DOP1A: variants seen among roughly 807,000 people sequenced by gnomAD.
DOP1A encodes the protein DOP1 leucine zipper like protein A.
Under a neutral mutation model 267.6 loss-of-function variants are expected in DOP1A, and 90 were observed. The observed-to-expected ratio is 0.34, with a 90% confidence interval of 0.28 to 0.40. The LOEUF (loss-of-function observed/expected upper bound fraction) is 0.40, where lower values mean the gene tolerates loss of function less well. Ranked by LOEUF, DOP1A falls within the 10% of genes least tolerant of loss-of-function variation. The pLI, the probability that DOP1A is intolerant of heterozygous loss-of-function variation, is 1.00. For missense variants in DOP1A, 2,437 were observed against 2,900.4 expected (o/e 0.84, Z 3.67); for synonymous variants, 932 against 999.1 (o/e 0.93, Z 1.27).
At chr6:83,166,684 A>G in intron 38 of DOP1A, 1 of 1,249,176 alleles carries the variant, frequency 8.0e-7, no homozygotes. Context: ...GCACCAACCT[A>G]ATATTTTCCT....
intron 1 of DOP1A, among the ~76,000 whole-genome samples, chr6:83,092,191 G>C (rs1373050326): frequency 6.6e-6 from 1 of 151,936 alleles, no homozygotes; most frequent in Non-Finnish European, 1.5e-5. Context: ...GTATTTAAAA[G>C]TTTTAGAAAC....
chr6:83,166,141 G>A (rs977213986), intron 38 of DOP1A: 10 of 458,678 alleles, frequency 2.2e-5, no homozygotes, highest in South Asian at 5.4e-5. Context: ...TCAAAACAAC[G>A]AATTTTTTTA....
chr6:83,156,614 A>G (rs562774036), intron 34 of DOP1A, among the ~76,000 whole-genome samples: 2 of 152,300 alleles, frequency 1.3e-5, no homozygotes, highest in South Asian at 4.1e-4. Flanking sequence ...TGTACCACCA[A>G]ATAGCTCCAC....
Position 83,137,309 on chromosome 6 carries a change from T to C in DOP1A, c.3267T>C (p.Ile1089=). Residue 1089 remains isoleucine, a synonymous_variant, in exon 21 of 39, where the codon ATT becomes ATC. Coordinates refer to ENST00000349129, the MANE Select transcript of DOP1A (RefSeq NM_015018.4). Reference sequence around the variant, plus strand: ...TCCTAAGTACCAGCAGTGAGACAATTCCAATGGTTGTGTCTGATTTTGATC... The same window carrying C: ...TCCTAAGTACCAGCAGTGAGACAATCCCAATGGTTGTGTCTGATTTTGATC... The part of the protein sequence containing the change: ...LSLLSTSSET[I]PMVVSDFDLP... The C allele has an allele frequency of 6.2e-7, 1 of 1,613,744 alleles. No individual in the cohort carries two copies. Among genetic ancestry groups the C allele is most frequent in the Non-Finnish European group, 8.5e-7 (1 of 1,179,798 alleles).
At position 83,124,788 on chromosome 6, in the gene DOP1A, T is replaced by C; in HGVS notation, c.1424T>C (p.Leu475Pro). 1 of 1,613,214 alleles carries C rather than the reference T, an allele frequency of 6.2e-7. No individual in the cohort carries two copies. Among genetic ancestry groups the C allele is most frequent in the Non-Finnish European group, 8.5e-7 (1 of 1,179,558 alleles). Residue 475 changes from leucine (L) to proline (P), a missense_variant, in exon 13 of 39, where the codon CTG (leucine) becomes CCG (proline). By Grantham distance (98) the Leu-to-Pro change is moderately conservative (BLOSUM62 -3). Transcript: ENST00000349129. ...TTACAGCTGACCAATTTCTGCTTAC[T>C]GGTGGATTTTTTGTTGGACATAGTT... The part of the protein sequence containing the change: ...SELQLTNFCL[L>P]VDFLLDIVSL...
chr6:83,128,429 AAAGT>A (rs1486613517), intron 15 of DOP1A, among the ~76,000 whole-genome samples: 1 of 152,196 alleles, frequency 6.6e-6, no homozygotes, highest in Non-Finnish European at 1.5e-5. Context: ...TCACTGAAAG[AAAGT>A]AAGATTAATA....
intron 7 of DOP1A, among the ~76,000 whole-genome samples, chr6:83,117,832 G>A (rs541712358): frequency 6.6e-6 from 1 of 152,354 alleles, no homozygotes; most frequent in South Asian, 2.1e-4. Flanking sequence ...ATCAATAGAA[G>A]GCATTTGTGT....
At chr6:83,164,648 T>C in intron 38 of DOP1A, 1 of 1,563,904 alleles carries the variant, frequency 6.4e-7, no homozygotes. Context: ...GTTCTCCTCT[T>C]TCCTTCCACA....
rs141060511 is a variant in DOP1A at position 83,124,712 on chromosome 6, C to T, written c.1348C>T (p.Leu450=). ...RWFEECCRRT[L]HVRLQIGPGD... ...TGAATTTTGTCCTTTTAGGAGGACACTGCATGTGAGACTTCAGATTGGACC... is the reference window on the plus strand; with the variant it reads ...TGAATTTTGTCCTTTTAGGAGGACATTGCATGTGAGACTTCAGATTGGACC... Residue 450 remains leucine, a synonymous_variant, in exon 13 of 39, where the codon CTG becomes TTG. Transcript: ENST00000349129. 7.9e-5 allele frequency: 128 copies of T among 1,612,168 alleles called. 1 individual carries two copies. In the African/African-American group the frequency reaches 1.6e-3, roughly 20 times the overall value.
intron 38 of DOP1A, among the ~76,000 whole-genome samples, 197 bp downstream of exon 38, chr6:83,163,116 G>A (rs912039019): frequency 6.6e-6 from 1 of 152,068 alleles, no homozygotes; most frequent in African/African-American, 2.4e-5. Flanking sequence ...GTATTTTAAA[G>A]GAATATGCGG....
chr6:83,139,689 A>G (rs1009714935), intron 21 of DOP1A, among the ~76,000 whole-genome samples: 16 of 151,860 alleles, frequency 1.1e-4, no homozygotes, highest in African/African-American at 3.9e-4. Flanking sequence ...ATGTAAAATA[A>G]TAAGAAAACT....
At chr6:83,134,146 A>G in intron 18 of DOP1A, 41 bp from the exon 19 acceptor site, 1 of 1,546,488 alleles carries the variant, frequency 6.5e-7, no homozygotes, top group Non-Finnish European at 8.9e-7. Context: ...AGTATCTTCA[A>G]GAGAGAAGAA....
At chr6:83,167,098 T>A in intron 38 of DOP1A, 1 of 982,560 alleles carries the variant, frequency 1.0e-6, no homozygotes, top group Non-Finnish European at 1.2e-6. Context: ...GTCTTTATAT[T>A]TAGTTGACAG....
Position 83,158,602 on chromosome 6 carries a change from T to G in DOP1A, c.6777T>G (p.Thr2259=), listed in dbSNP as rs201998300. 6.2e-7 allele frequency: 1 copy of G among 1,607,828 alleles called. No individual in the cohort carries two copies. The highest frequency in any genetic ancestry group is 2.2e-5 in the East Asian group (1 of 44,704). ...QVFLLMEQEL[T]ADEDISRTSG... is the part of the protein sequence containing the mutation. ...TTTTACTGATGGAGCAGGAACTCAC[T>G]GCTGATGAAGATATTTCACGGTAAT... Residue 2259 remains threonine (T), a synonymous_variant, in exon 36 of 39, where the codon ACT becomes ACG. Transcript: ENST00000349129.
chr6:83,089,713 T>C (rs547022011), intron 1 of DOP1A, among the ~76,000 whole-genome samples: 1 of 152,318 alleles, frequency 6.6e-6, no homozygotes, highest in South Asian at 2.1e-4. Context: ...TAGTTTGTTA[T>C]TGTATCTCCT....
chr6:83,128,732 T>C (rs575450784), intron 15 of DOP1A, among the ~76,000 whole-genome samples, 155 bp from the exon 16 acceptor site: 8 of 152,290 alleles, frequency 5.3e-5, no homozygotes, highest in African/African-American at 1.7e-4. Flanking sequence ...AAATACTTGG[T>C]GAATGAATAA....
chr6:83,095,988 C>T lies in DOP1A; in HGVS notation c.-146-743C>T, dbSNP rs112043674. On this transcript the variant is annotated intron_variant, in intron 1 of 38. Coordinates refer to ENST00000349129, the MANE Select transcript of DOP1A (RefSeq NM_015018.4). ...CAAAGTGCATTTATGACCTGTTGGC[C>T]GTTACACATTGTCTCTTCTACCCTA... is the stretch of plus-strand genomic sequence containing the variant. Among the ~76,000 whole-genome samples the T allele has an allele frequency of 8.9e-3, 1,349 of 152,184 alleles. 18 individuals are homozygous for T. Among genetic ancestry groups the T allele is most frequent in the African/African-American group, 0.031 (1,274 of 41,518 alleles).
At chr6:83,088,730 T>A (rs1433718571) in intron 1 of DOP1A, among the ~76,000 whole-genome samples, 1 of 152,174 alleles carries the variant, frequency 6.6e-6, no homozygotes, top group Non-Finnish European at 1.5e-5. Context: ...TTCATCCATA[T>A]TTTTAACACT....
At chr6:83,137,096 C>G (rs1778978451) in intron 20 of DOP1A, 77 bp from the exon 21 acceptor site, 1 of 1,261,522 alleles carries the variant, frequency 7.9e-7, no homozygotes, top group African/African-American at 1.5e-5. Context: ...AAATTTTGAT[C>G]AGTCTACATT....
Sources: allele counts gnomAD v4.1 joint callset (sites outside exome capture counted in the v4.1 genomes callset), GRCh38; gene constraint gnomAD v4.1.1; transcripts MANE v1.5; gene names NCBI Gene and HGNC (gene_info 2026-07-23, HGNC 2026-07-21).